GPC6: variants seen among roughly 807,000 people sequenced by gnomAD.
GPC6 encodes the protein glypican 6.
Under a neutral mutation model 55.2 loss-of-function variants are expected in GPC6, and 14 were observed. The ratio of observed to expected loss-of-function variants is 0.25; its 90% CI spans 0.17 to 0.40. The LOEUF is 0.40. GPC6 is among the 10% of genes least tolerant of loss of function. GPC6 has a pLI of 1.00. For synonymous variants in GPC6, 278 were observed against 259.6 expected, an observed-to-expected ratio of 1.07 and a Z score of -0.68; for missense variants, 641 against 708.5, an observed-to-expected ratio of 0.90 and a Z score of 1.08.
At chr13:93,557,201 A>G (rs1875526985) in intron 2 of GPC6, among the ~76,000 whole-genome samples, 1 of 152,180 alleles carries the variant, frequency 6.6e-6, no homozygotes, top group Non-Finnish European at 1.5e-5. Flanking sequence ...TGAAAAGTAG[A>G]ATACAGTCTC....
At chr13:93,689,595 A>C (rs1024029671) in intron 2 of GPC6, among the ~76,000 whole-genome samples, 2 of 152,014 alleles carry the variant, frequency 1.3e-5, no homozygotes, top group South Asian at 4.1e-4. Context: ...AGTCAGAAAA[A>C]CATGTGGCCT....
chr13:93,837,837 G>C (rs954935905), intron 3 of GPC6, among the ~76,000 whole-genome samples: 1 of 152,108 alleles, frequency 6.6e-6, no homozygotes, highest in Non-Finnish European at 1.5e-5. Flanking sequence ...GGTGATGAGG[G>C]CACCTAGCAC....
At chr13:93,989,902 GTA>G (rs201397049) in intron 3 of GPC6, among the ~76,000 whole-genome samples, 3 of 136,902 alleles carry the variant, frequency 2.2e-5, no homozygotes, top group South Asian at 5.0e-4. Flanking sequence ...ATGTGTGTGT[GTA>G]TATATATATA....
At chr13:93,601,815 G>A (rs1022746373) in intron 2 of GPC6, among the ~76,000 whole-genome samples, 1 of 152,210 alleles carries the variant, frequency 6.6e-6, no homozygotes, top group African/African-American at 2.4e-5. Context: ...TCAATTAAAT[G>A]TGCTATCAAA....
At chr13:93,710,277 G>A (rs78467435) in intron 2 of GPC6, among the ~76,000 whole-genome samples, 1,605 of 151,922 alleles carry the variant, frequency 0.011, 29 homozygotes, top group African/African-American at 0.034. Flanking sequence ...ACTCCACAGA[G>A]GATTACTATT....
chr13:94,251,864 T>C (rs1188046267), intron 4 of GPC6, among the ~76,000 whole-genome samples: 1 of 151,818 alleles, frequency 6.6e-6, no homozygotes. Context: ...TTTTGGATGC[T>C]ATAATTTCTC....
intron 2 of GPC6, among the ~76,000 whole-genome samples, chr13:93,676,466 A>C (rs1881638010): frequency 6.6e-6 from 1 of 151,934 alleles, no homozygotes. Flanking sequence ...TGGTATTAGG[A>C]TTTGGGGAAT....
At chr13:94,037,131 A>C (rs926202931) in intron 4 of GPC6, among the ~76,000 whole-genome samples, 1 of 152,020 alleles carries the variant, frequency 6.6e-6, no homozygotes, top group South Asian at 2.1e-4. Flanking sequence ...TGCAATTATT[A>C]CAGAGCACTT....
intron 2 of GPC6, among the ~76,000 whole-genome samples, chr13:93,731,948 A>T (rs1373047035): frequency 6.6e-6 from 1 of 152,202 alleles, no homozygotes; most frequent in Non-Finnish European, 1.5e-5. Context: ...CATGGATACA[A>T]TATTCTTCAT....
intron 6 of GPC6, among the ~76,000 whole-genome samples, chr13:94,307,780 A>G (rs1453635155): frequency 1.3e-5 from 2 of 152,216 alleles, no homozygotes; most frequent in African/African-American, 4.8e-5. Context: ...ATTGCATTGT[A>G]TATCAAGATC....
intron 3 of GPC6, among the ~76,000 whole-genome samples, chr13:93,858,763 T>C (rs1286105012): frequency 1.3e-5 from 2 of 151,586 alleles, no homozygotes; most frequent in Middle Eastern, 3.4e-3. Flanking sequence ...AGCAGTTTTA[T>C]TGGAGTAGTG....
intron 4 of GPC6, among the ~76,000 whole-genome samples, chr13:94,052,607 A>G (rs1883991676): frequency 2.0e-5 from 3 of 152,086 alleles, no homozygotes; most frequent in South Asian, 4.1e-4. Flanking sequence ...TCTCAATGTT[A>G]TATCCCTCAG....
chr13:93,428,447 C>T (rs1351343721), intron 1 of GPC6, among the ~76,000 whole-genome samples: 2 of 152,108 alleles, frequency 1.3e-5, no homozygotes, highest in Non-Finnish European at 2.9e-5. Flanking sequence ...CTTTCCATTT[C>T]TCAGGGATAA....
intron 4 of GPC6, among the ~76,000 whole-genome samples, chr13:94,186,209 G>A (rs1172191759): frequency 2.0e-5 from 3 of 151,940 alleles, no homozygotes; most frequent in African/African-American, 7.3e-5. Flanking sequence ...TATTTACTCA[G>A]CAATCTTTTA....
chr13:94,317,247 C>T (rs1051443728), intron 6 of GPC6, among the ~76,000 whole-genome samples: 1 of 152,154 alleles, frequency 6.6e-6, no homozygotes, highest in Non-Finnish European at 1.5e-5. Context: ...AGGCAGGAAA[C>T]CAATGACTTT....
intron 1 of GPC6, among the ~76,000 whole-genome samples, chr13:93,451,858 T>G (rs2139302410): frequency 1.3e-5 from 2 of 152,346 alleles, no homozygotes; most frequent in South Asian, 4.1e-4. Flanking sequence ...TTAATGCATT[T>G]AATTACTATT....
rs201115100 is a variant in GPC6, at chr13:93,891,833, ATG to A, written c.711+61300_711+61301del. Among the ~76,000 whole-genome samples the A allele has an allele frequency of 5.0e-3, 750 of 151,452 alleles. 6 individuals are homozygous for A. Among genetic ancestry groups the A allele is most frequent in the African/African-American group, 0.017 (696 of 41,316 alleles). On this transcript the variant is annotated intron_variant, in intron 3 of 8. Coordinates refer to ENST00000377047, the MANE Select transcript of GPC6 (RefSeq NM_005708.5). ...AGTATATCTGTCATACACATACTAT[ATG>A]TGTGTGTGTGTATATGTAGTGTGTA...
intron 7 of GPC6, among the ~76,000 whole-genome samples, chr13:94,391,544 C>T (rs373744840): frequency 3.5e-4 from 53 of 152,204 alleles, no homozygotes; most frequent in Non-Finnish European, 6.0e-4. Context: ...TTGAATAATC[C>T]AACTTTCCAT....
chr13:94,307,435 G>A (rs183367992), intron 6 of GPC6, among the ~76,000 whole-genome samples: 70 of 152,038 alleles, frequency 4.6e-4, no homozygotes, highest in Non-Finnish European at 4.0e-4. Flanking sequence ...TCCTACCTTA[G>A]CTTACTGAGT....
Sources: allele counts gnomAD v4.1 joint callset (sites outside exome capture counted in the v4.1 genomes callset), GRCh38; gene constraint gnomAD v4.1.1; transcripts MANE v1.5; gene names NCBI Gene and HGNC (gene_info 2026-07-23, HGNC 2026-07-21).